Variants in BMPR2 observed in about 807,000 individuals in gnomAD.
BMPR2 encodes the protein bone morphogenetic protein receptor type 2, also known as bone morphogenetic protein receptor type-2.
Under a neutral mutation model 100.8 loss-of-function variants are expected in BMPR2, and 29 were observed. That is an observed-to-expected ratio of 0.29 (90% CI 0.21 to 0.39). The LOEUF (loss-of-function observed/expected upper bound fraction) is 0.39. BMPR2 is among the 10% of genes least tolerant of loss of function. BMPR2 has a pLI of 1.00. For synonymous variants in BMPR2, 382 were observed against 442.3 expected, an observed-to-expected ratio of 0.86 and a Z score of 1.71; for missense variants, 1,011 against 1,274.5, an observed-to-expected ratio of 0.79 and a Z score of 3.15.
chr2:202,403,796 G>A (rs1449943025), intron 1 of BMPR2, among the ~76,000 whole-genome samples: 4 of 152,104 alleles, frequency 2.6e-5, no homozygotes, highest in African/African-American at 9.6e-5. Context: ...ACATGAGGTC[G>A]GGAGTTCAAG....
intron 3 of BMPR2, among the ~76,000 whole-genome samples, chr2:202,490,817 A>T (rs918245743): frequency 6.6e-6 from 1 of 151,564 alleles, no homozygotes; most frequent in Admixed American, 6.6e-5. Context: ...ATTAATCTAA[A>T]CTCCCCTTAG....
At chr2:202,470,487 C>T (rs974709107) in intron 3 of BMPR2, among the ~76,000 whole-genome samples, 6 of 151,362 alleles carry the variant, frequency 4.0e-5, no homozygotes, top group African/African-American at 7.3e-5. Flanking sequence ...AGAGGCCGGG[C>T]GCGGTGGCTC....
chr2:202,396,139 T>G (rs1690652728), intron 1 of BMPR2, among the ~76,000 whole-genome samples: 1 of 152,106 alleles, frequency 6.6e-6, no homozygotes. Context: ...TGGTCTAAAC[T>G]GCACATGAAA....
intron 10 of BMPR2, among the ~76,000 whole-genome samples, chr2:202,544,768 T>C (rs1225337552): frequency 2.1e-5 from 3 of 145,166 alleles, no homozygotes; most frequent in Admixed American, 1.4e-4. Context: ...TTTCTTTTTT[T>C]TTTTTTTTTT....
intron 9 of BMPR2, among the ~76,000 whole-genome samples, chr2:202,539,511 C>G (rs536178210): frequency 6.6e-6 from 1 of 152,092 alleles, no homozygotes; most frequent in South Asian, 2.1e-4. Flanking sequence ...TGTATACTAA[C>G]TATAAAATTC....
At chr2:202,527,847 A>T (rs928469625) in intron 7 of BMPR2, among the ~76,000 whole-genome samples, 2 of 152,076 alleles carry the variant, frequency 1.3e-5, no homozygotes, top group Non-Finnish European at 2.9e-5. Context: ...ATTCCCAAGT[A>T]CAGATGTTTC....
intron 8 of BMPR2, 53 bp downstream of exon 8, chr2:202,531,007 T>C: frequency 1.9e-6 from 3 of 1,602,814 alleles, no homozygotes; most frequent in Non-Finnish European, 2.6e-6. Context: ...GATAATTTAA[T>C]TAAAACATCT....
intron 3 of BMPR2, among the ~76,000 whole-genome samples, chr2:202,498,722 C>T (rs1168440342): frequency 4.6e-5 from 7 of 151,734 alleles, no homozygotes; most frequent in African/African-American, 7.3e-5. Flanking sequence ...GAAAAAGAGG[C>T]GGCTCATTTT....
At chr2:202,412,397 C>G (rs1222170289) in intron 1 of BMPR2, among the ~76,000 whole-genome samples, 1 of 152,170 alleles carries the variant, frequency 6.6e-6, no homozygotes, top group East Asian at 1.9e-4. Context: ...CGGCTCACTG[C>G]AAGCTCCGCC....
At chr2:202,553,035 C>A in intron 11 of BMPR2, 147 bp downstream of exon 11, 1 of 1,094,734 alleles carries the variant, frequency 9.1e-7, no homozygotes, top group Non-Finnish European at 1.3e-6. Context: ...TTCAATATTC[C>A]TATTCTTCTA....
intron 10 of BMPR2, among the ~76,000 whole-genome samples, chr2:202,546,295 T>C (rs924592440): frequency 2.6e-5 from 4 of 152,218 alleles, no homozygotes; most frequent in Non-Finnish European, 2.9e-5. Context: ...CATAGTTGCA[T>C]TGAGATTAAG....
intron 3 of BMPR2, among the ~76,000 whole-genome samples, chr2:202,478,057 G>A (rs953662579): frequency 1.3e-5 from 2 of 152,178 alleles, no homozygotes; most frequent in East Asian, 1.9e-4. Context: ...CAAGGTGCAC[G>A]TTCCTAGCTT....
chr2:202,466,192 T>C (rs111619009), intron 2 of BMPR2, among the ~76,000 whole-genome samples: 15 of 152,342 alleles, frequency 9.8e-5, no homozygotes, highest in African/African-American at 3.6e-4. Context: ...TTAAAGACTG[T>C]ATAAAAATTT....
intron 1 of BMPR2, among the ~76,000 whole-genome samples, chr2:202,427,433 A>G (rs1691410659): frequency 1.3e-5 from 2 of 151,906 alleles, no homozygotes; most frequent in South Asian, 2.1e-4. Flanking sequence ...TATTTCTGCA[A>G]CAAAATTTTT....
intron 1 of BMPR2, among the ~76,000 whole-genome samples, chr2:202,450,691 CAAAA>C (rs761806972): frequency 2.4e-5 from 1 of 41,228 alleles, no homozygotes. Context: ...AACTCCATCT[CAAAA>C]AAAAAAAAAA....
chr2:202,476,313 T>G (rs1478752814), intron 3 of BMPR2, among the ~76,000 whole-genome samples: 1 of 152,170 alleles, frequency 6.6e-6, no homozygotes, highest in Non-Finnish European at 1.5e-5. Context: ...TAATGTGCTC[T>G]CTGATTACTG....
At position 202,552,713 on chromosome 2, in the gene BMPR2, C is replaced by T. The variant is rs199623676; in HGVS notation, c.1414-3C>T. 200 of 1,613,738 alleles carry T rather than the reference C, an allele frequency of 1.2e-4. No individual in the cohort carries two copies. The highest frequency in any genetic ancestry group is 5.0e-5 in the Admixed American group (3 of 59,970). Reference sequence around the variant, plus strand: ...ATGGTTTGACATGTACTTTGTCTTACAGGCAGTGAGGTCACTCAAGGAGAC... The same window carrying T: ...ATGGTTTGACATGTACTTTGTCTTATAGGCAGTGAGGTCACTCAAGGAGAC... On this transcript the variant is annotated splice_polypyrimidine_tract_variant and splice_region_variant and intron_variant, in intron 10 of 12. Coordinates refer to ENST00000374580, the MANE Select transcript of BMPR2 (RefSeq NM_001204.7).
intron 1 of BMPR2, among the ~76,000 whole-genome samples, chr2:202,428,335 G>GTC (rs1336789661): frequency 6.6e-6 from 1 of 151,196 alleles, no homozygotes; most frequent in Non-Finnish European, 1.5e-5. Context: ...CACACTGCCA[G>GTC]TCTCTCTCCC....
chr2:202,403,728 A>T (rs1046678709), intron 1 of BMPR2, among the ~76,000 whole-genome samples: 36 of 152,134 alleles, frequency 2.4e-4, no homozygotes, highest in Non-Finnish European at 4.4e-5. Flanking sequence ...GAGATATTGC[A>T]GGGCGTGGTG....
Sources: allele counts gnomAD v4.1 joint callset (sites outside exome capture counted in the v4.1 genomes callset), GRCh38; gene constraint gnomAD v4.1.1; transcripts MANE v1.5; gene names NCBI Gene and HGNC (gene_info 2026-07-23, HGNC 2026-07-21).